Variants in SYN3 observed in about 807,000 individuals in gnomAD.
The protein encoded by SYN3 is synapsin III.
SYN3 carries 35 observed loss-of-function variants against 65.8 expected under a neutral mutation model. The observed-to-expected ratio is 0.53, with a 90% CI of 0.41 to 0.70. The LOEUF is 0.70. SYN3 is among the 30% of genes least tolerant of loss of function. SYN3 has a pLI of 0.00. For missense variants in SYN3, 680 were observed against 749.0 expected (o/e 0.91, Z 1.08); for synonymous variants, 270 against 292.9 (o/e 0.92, Z 0.80).
At position 32,644,101 on chromosome 22, in the gene SYN3, A is replaced by AGTG. The variant is rs1555914434; in HGVS notation, c.712-47366_712-47365insCAC. ...AAAAAAAAAAAAAAAAAAAAAAAAA[A>AGTG]AGCGACAAGACTGACTGATGATGGG... On this transcript the variant is annotated intron_variant, in intron 6 of 13. Transcript: ENST00000358763. Among the ~76,000 whole-genome samples, 3 of 71,226 alleles carry AGTG rather than the reference A, an allele frequency of 4.2e-5. 1 individual carries two copies. Among genetic ancestry groups the AGTG allele is most frequent in the Non-Finnish European group, 2.7e-5 (1 of 37,390 alleles). The allele number at this position is 71,226 out of a possible 152,430, so 46.7% of individuals were successfully genotyped here.
At chr22:32,537,196 T>G (rs2710372) in intron 9 of SYN3, among the ~76,000 whole-genome samples, 3,518 of 152,014 alleles carry the variant, frequency 0.023, 113 homozygotes, top group African/African-American at 0.08. Flanking sequence ...TTTTGCTCTT[T>G]TTGCCCAGGC....
chr22:33,034,372 G>A (rs754812660), intron 1 of SYN3, among the ~76,000 whole-genome samples: 14 of 151,458 alleles, frequency 9.2e-5, no homozygotes, highest in East Asian at 2.0e-4. Flanking sequence ...TCAGCCTCCC[G>A]AGTAGGTGGG....
chr22:32,757,108 C>CTCA (rs2045314178), intron 6 of SYN3, among the ~76,000 whole-genome samples: 1 of 151,640 alleles, frequency 6.6e-6, no homozygotes, highest in Admixed American at 6.6e-5. Context: ...CTTCCTGCCA[C>CTCA]TCATCATCAC....
intron 6 of SYN3, among the ~76,000 whole-genome samples, chr22:32,618,747 AG>A (rs2059555205): frequency 6.6e-6 from 1 of 152,182 alleles, no homozygotes; most frequent in African/African-American, 2.4e-5. Context: ...ACAAGTGAAA[AG>A]ATGGCCCACA....
At chr22:32,822,642 G>C (rs1292283853) in intron 6 of SYN3, among the ~76,000 whole-genome samples, 1 of 152,174 alleles carries the variant, frequency 6.6e-6, no homozygotes, top group Non-Finnish European at 1.5e-5. Context: ...AGACTGCTTA[G>C]ATTATGGTGC....
At chr22:32,969,100 G>A (rs1487656456) in intron 3 of SYN3, among the ~76,000 whole-genome samples, 1 of 152,202 alleles carries the variant, frequency 6.6e-6, no homozygotes. Context: ...TGGCAGTAAG[G>A]AAAGGTGAAT....
intron 6 of SYN3, among the ~76,000 whole-genome samples, chr22:32,698,368 C>T (rs2060766409): frequency 6.6e-6 from 1 of 152,132 alleles, no homozygotes; most frequent in South Asian, 2.1e-4. Flanking sequence ...TCACTCTTAC[C>T]TTATCAGAAT....
intron 7 of SYN3, among the ~76,000 whole-genome samples, chr22:32,575,119 G>C (rs199849883): frequency 1.3e-5 from 2 of 152,208 alleles, no homozygotes; most frequent in East Asian, 1.9e-4. Context: ...AGCCCGGCTG[G>C]GTGGGTCTCT....
intron 6 of SYN3, among the ~76,000 whole-genome samples, chr22:32,774,305 C>G (rs954418276): frequency 1.3e-5 from 2 of 152,158 alleles, no homozygotes; most frequent in Non-Finnish European, 2.9e-5. Context: ...GGGCTTTAAT[C>G]CAATGACTGG....
At chr22:32,799,191 G>A (rs577955543) in intron 6 of SYN3, among the ~76,000 whole-genome samples, 80 of 152,286 alleles carry the variant, frequency 5.3e-4, no homozygotes, top group Admixed American at 3.7e-3. Flanking sequence ...TTTCCTTAGG[G>A]TGAGAACCAA....
chr22:32,742,898 C>T (rs958731778), intron 6 of SYN3, among the ~76,000 whole-genome samples: 1 of 152,212 alleles, frequency 6.6e-6, no homozygotes, highest in African/African-American at 2.4e-5. Flanking sequence ...TGGAACTGTT[C>T]TAAGCCTTTT....
rs73881752 is a variant in SYN3 at position 32,594,886 on chromosome 22, T to C, written c.774+1788A>G. On this transcript the variant is annotated intron_variant, in intron 7 of 13. Coordinates refer to ENST00000358763, the MANE Select transcript of SYN3 (RefSeq NM_003490.4). ...CTATAGATGTGAGGTGAAGAATTAT[T>C]CACGTCTGGGTGGGCCTACTCAAAG... Among the ~76,000 whole-genome samples the C allele has an allele frequency of 8.1e-3, 1,229 of 152,298 alleles. 11 individuals are homozygous for C. Among genetic ancestry groups the C allele is most frequent in the African/African-American group, 0.028 (1,183 of 41,564 alleles).
intron 12 of SYN3, among the ~76,000 whole-genome samples, chr22:32,526,640 C>T (rs1373612994): frequency 2.6e-5 from 4 of 152,186 alleles, no homozygotes; most frequent in East Asian, 1.9e-4. Flanking sequence ...CTCAGCCTCC[C>T]GAGTAGCTGG....
intron 7 of SYN3, among the ~76,000 whole-genome samples, chr22:32,566,302 C>T (rs962864132): frequency 3.9e-5 from 6 of 152,230 alleles, no homozygotes; most frequent in African/African-American, 1.4e-4. Flanking sequence ...AGGCATGTGT[C>T]AAGCACTCAG....
intron 1 of SYN3, among the ~76,000 whole-genome samples, chr22:33,023,558 A>T (rs1238833584): frequency 6.6e-6 from 1 of 152,178 alleles, no homozygotes; most frequent in African/African-American, 2.4e-5. Flanking sequence ...CCACAAAAAA[A>T]TCAAAAACTT....
At chr22:32,515,396 C>T (rs944659165) in intron 13 of SYN3, among the ~76,000 whole-genome samples, 1 of 152,122 alleles carries the variant, frequency 6.6e-6, no homozygotes, top group Non-Finnish European at 1.5e-5. Flanking sequence ...GGTTATTGTC[C>T]CCATTCCACA....
Position 32,518,133 on chromosome 22 carries a change from G to T in SYN3, c.1520C>A (p.Ala507Asp). ...CTGCACAGGGGGCCGGGGCTGTGAG[G>T]CGAGGGTGGCACCTGGCTTGGAGGC... ...NQASKPGATL[A>D]SQPRPPVQGR... Residue 507 changes from alanine (A) to aspartate (D), a missense_variant, in exon 13 of 14, where the codon GCC (alanine) becomes GAC (aspartate). Ala to Asp is a moderately radical substitution (Grantham distance 126). Coordinates refer to ENST00000358763, the MANE Select transcript of SYN3 (RefSeq NM_003490.4). The T allele has an allele frequency of 6.2e-7, 1 of 1,607,092 alleles. No individual in the cohort carries two copies. The highest frequency in any genetic ancestry group is 8.5e-7 in the Non-Finnish European group (1 of 1,176,590).
chr22:32,707,825 T>C (rs1012358992), intron 6 of SYN3, among the ~76,000 whole-genome samples: 1 of 152,180 alleles, frequency 6.6e-6, no homozygotes, highest in Admixed American at 6.5e-5. Context: ...CTCTGTCTCC[T>C]TTCCATAAGG....
chr22:32,912,178 T>G (rs191231035), intron 4 of SYN3, among the ~76,000 whole-genome samples: 21 of 152,300 alleles, frequency 1.4e-4, no homozygotes, highest in Admixed American at 1.0e-3. Flanking sequence ...TAAAGACTGA[T>G]AGTTGCCCGC....
Sources: gnomAD v4.1 joint callset for allele counts (sites outside exome capture counted in the v4.1 genomes callset) on GRCh38, gnomAD v4.1.1 for gene constraint, MANE v1.5 for transcripts, NCBI Gene and HGNC (gene_info 2026-07-23, HGNC 2026-07-21) for gene names.